The following SASH1 variants were observed in gnomAD, a reference collection of about 807,000 sequenced individuals.
SASH1 encodes SAM and SH3 domain containing 1.
A neutral mutation model predicts 125.2 loss-of-function variants in SASH1; 44 were observed. That is an observed-to-expected ratio of 0.35 (90% confidence interval 0.28 to 0.45). SASH1 has a LOEUF of 0.45. SASH1 is among the 20% of genes least tolerant of loss of function. SASH1 has a pLI of 1.00. For synonymous variants in SASH1, 639 were observed against 649.1 expected, an observed-to-expected ratio of 0.98 and a Z score of 0.24; for missense variants, 1,426 against 1,614.5, an observed-to-expected ratio of 0.88 and a Z score of 2.00.
At chr6:148,194,863 G>A in the SASH1 span, among the ~76,000 whole-genome samples, 2 of 152,204 alleles carry the variant, frequency 1.3e-5, no homozygotes, top group Admixed American at 6.5e-5. Context: ...CCGAGATCGC[G>A]CCACTGCACT....
chr6:148,276,028 A>G (rs1420883237), intron 1 of SASH1, among the ~76,000 whole-genome samples: 1 of 152,126 alleles, frequency 6.6e-6, no homozygotes, highest in African/African-American at 2.4e-5. Context: ...GCCTACTTCT[A>G]CTTTTTTGTG....
At chr6:148,324,151 G>T (rs935924172) in intron 1 of SASH1, among the ~76,000 whole-genome samples, 26 of 129,386 alleles carry the variant, frequency 2.0e-4, no homozygotes, top group Non-Finnish European at 6.4e-5. Context: ...CATAAGTGAG[G>T]TATAACTCAA....
chr6:148,282,372 T>G (rs1045877154), intron 1 of SASH1, among the ~76,000 whole-genome samples: 1 of 114,996 alleles, frequency 8.7e-6, no homozygotes, highest in African/African-American at 3.4e-5. Context: ...ACAGGCATCC[T>G]GCCCAGGAGA....
chr6:148,347,011 A>G (rs1486637198), intron 1 of SASH1, among the ~76,000 whole-genome samples: 1 of 152,138 alleles, frequency 6.6e-6, no homozygotes, highest in African/African-American at 2.4e-5. Flanking sequence ...TCTTTACTCC[A>G]TAGTTGGCAG....
In SASH1 at chr6:148,544,381, G is replaced by A. The variant is rs749100749; in HGVS notation, c.2911G>A (p.Asp971Asn). 4.3e-6 allele frequency: 7 copies of A among 1,614,072 alleles called. No homozygotes were observed. The highest frequency in any genetic ancestry group is 1.7e-5 in the Admixed American group (1 of 60,010). The stretch of plus-strand genomic sequence containing the variant: ...TCCCCTGGGCACCAAAGAAGGGGTA[G>A]ATGCTGAGCAGAGAATGCAGCCCAA... Reference protein sequence around the residue: ...HHPLGTKEGVDAEQRMQPKIP... With the variant: ...HHPLGTKEGVNAEQRMQPKIP... Residue 971 changes from aspartate to asparagine, a missense_variant, in exon 18 of 20, where the codon GAT becomes AAT. Asp to Asn is a conservative substitution (Grantham distance 23). This residue lies in a region of SASH1 where 634 missense variants were observed against 694.4 expected (regional missense o/e 0.91). Coordinates refer to ENST00000367467, the MANE Select transcript of SASH1 (RefSeq NM_015278.5). This position sits in a 1 kb window ranked among gnomAD's most constrained non-coding sequence, Gnocchi z 6.4.
At chr6:148,226,314 G>T in the SASH1 span, among the ~76,000 whole-genome samples, 2 of 152,064 alleles carry the variant, frequency 1.3e-5, no homozygotes, top group South Asian at 4.2e-4. Flanking sequence ...GGAAATTCAG[G>T]TATTTGTTTT....
chr6:148,203,373 C>T, the SASH1 span, among the ~76,000 whole-genome samples: 5 of 152,152 alleles, frequency 3.3e-5, no homozygotes, highest in Non-Finnish European at 7.3e-5. Flanking sequence ...TTCCATCCTC[C>T]CGTCTTCTCT....
chr6:148,258,252 G>A, the SASH1 span, among the ~76,000 whole-genome samples: 2 of 152,078 alleles, frequency 1.3e-5, no homozygotes, highest in African/African-American at 2.4e-5. Context: ...CGTCTTGCTT[G>A]TGCTAGATTG....
chr6:148,440,470 A>T, intron 4 of SASH1, 63 bp downstream of exon 4: 1 of 1,378,912 alleles, frequency 7.3e-7, no homozygotes, highest in South Asian at 1.2e-5. Context: ...GTCCATGCTG[A>T]CGGAAATCAA....
chr6:148,198,558 A>G, the SASH1 span, among the ~76,000 whole-genome samples: 5 of 152,236 alleles, frequency 3.3e-5, no homozygotes, highest in African/African-American at 1.2e-4. Flanking sequence ...AAAAAGAGGT[A>G]TCCAGTCCAT....
chr6:148,506,836 C>G (rs943454879), intron 8 of SASH1, among the ~76,000 whole-genome samples: 1 of 152,118 alleles, frequency 6.6e-6, no homozygotes, highest in East Asian at 1.9e-4. Flanking sequence ...AGTTGTCAGT[C>G]TTGGATGAAG....
chr6:148,473,588 C>T lies in SASH1; in HGVS notation c.515-522C>T, dbSNP rs1278855854. Among the ~76,000 whole-genome samples the T allele has an allele frequency of 2.0e-5, 3 of 152,294 alleles. No homozygotes were observed. In the East Asian group the frequency reaches 5.8e-4, roughly 29 times the overall value. The stretch of plus-strand genomic sequence containing the variant: ...TTGAGGAATAATAACAGTGAAATAG[C>T]TTAGTAGGAATGGAAGGTTTTGCCA... On this transcript the variant is annotated intron_variant, in intron 6 of 19. Coordinates refer to ENST00000367467, the MANE Select transcript of SASH1 (RefSeq NM_015278.5).
At chr6:148,381,966 A>G (rs1583055731) in intron 1 of SASH1, among the ~76,000 whole-genome samples, 2 of 151,976 alleles carry the variant, frequency 1.3e-5, no homozygotes, top group East Asian at 3.9e-4. Context: ...ATGCTATGTG[A>G]TATCCTTTAA....
At chr6:148,341,330 G>T (rs113235194), upstream of SASH1, among the ~76,000 whole-genome samples, 1,594 of 112,844 alleles carry the variant, frequency 0.014, 32 homozygotes, top group African/African-American at 0.048. Flanking sequence ...TTTTTTTTTT[G>T]TTTTTTTTTT....
intron 8 of SASH1, among the ~76,000 whole-genome samples, chr6:148,498,446 A>G (rs191014890): frequency 1.4e-3 from 219 of 152,206 alleles, no homozygotes; most frequent in African/African-American, 5.0e-3. Context: ...CAAGGGCCAC[A>G]TTGATAAAAA....
At chr6:148,399,214 CTT>C (rs371374910) in intron 2 of SASH1, among the ~76,000 whole-genome samples, 225 of 106,620 alleles carry the variant, frequency 2.1e-3, no homozygotes, top group African/African-American at 7.8e-3. Flanking sequence ...ATTTCAGCTT[CTT>C]TTTTTTTTTT....
chr6:148,473,513 C>A (rs1778207834), intron 6 of SASH1, among the ~76,000 whole-genome samples: 1 of 152,160 alleles, frequency 6.6e-6, no homozygotes, highest in Non-Finnish European at 1.5e-5. Context: ...CTTGGCCTCC[C>A]AAAGTGCTGG....
At chr6:148,512,881 C>CG (rs1780228238) in intron 8 of SASH1, 2 of 985,066 alleles carry the variant, frequency 2.0e-6, no homozygotes, top group Non-Finnish European at 2.4e-6. Flanking sequence ...TATAGTTAAC[C>CG]ATAAGTGGGT....
chr6:148,281,888 C>CT (rs1779350747), intron 1 of SASH1, among the ~76,000 whole-genome samples: 1 of 149,824 alleles, frequency 6.7e-6, no homozygotes, highest in Non-Finnish European at 1.5e-5. Context: ...CACCACTGCA[C>CT]TCCAGCCTGG....
Sources: allele counts gnomAD v4.1 joint callset (sites outside exome capture counted in the v4.1 genomes callset), GRCh38; gene constraint gnomAD v4.1.1; regional missense constraint gnomAD v4.1.1; non-coding constraint Gnocchi (gnomAD v3.1); transcripts MANE v1.5; gene names NCBI Gene and HGNC (gene_info 2026-07-23, HGNC 2026-07-21).